The following DOCK9 variants were observed in gnomAD, a reference collection of about 807,000 sequenced individuals.
DOCK9 encodes dedicator of cytokinesis 9.
A neutral mutation model predicts 263.3 loss-of-function variants in DOCK9; 89 were observed. The ratio of observed to expected loss-of-function variants is 0.34; its 90% CI spans 0.28 to 0.40. The LOEUF is 0.40. DOCK9 is among the 10% of genes least tolerant of loss of function. The pLI, the probability that DOCK9 is intolerant of heterozygous loss-of-function variation, is 1.00. For missense variants in DOCK9, 2,140 were observed against 2,603.4 expected, an observed-to-expected ratio of 0.82 and a Z score of 3.87; for synonymous variants, 976 against 973.1, an observed-to-expected ratio of 1.00 and a Z score of -0.06.
At position 98,825,124 on chromosome 13, in the gene DOCK9, A is replaced by G. The variant is rs1391168341; in HGVS notation, c.5024-620T>C. ...GATGCCTGGGCACTCTGATTCTCCA[A>G]GAGGAAATGGTGTTAGCTTAGAGGC... On this transcript the variant is annotated intron_variant, in intron 44 of 52. Coordinates refer to ENST00000682017, the MANE Select transcript of DOCK9 (RefSeq NM_001366683.2). This position sits in a 1 kb window ranked among gnomAD's most constrained non-coding sequence, Gnocchi z 4.1. Among the ~76,000 whole-genome samples, 1 of 152,196 alleles carries G rather than the reference A, an allele frequency of 6.6e-6. No homozygotes were observed. Among genetic ancestry groups the G allele is most frequent in the African/African-American group, 2.4e-5 (1 of 41,440 alleles).
In DOCK9 at chr13:98,832,112, A is replaced by G. The variant is rs1432579676; in HGVS notation, c.4315-326T>C. Reference sequence around the variant, plus strand: ...CTGATACAGAGGTGCCATTTGTGACATCTTAATTCCAACAGAGAAGTGCCA... The same window carrying G: ...CTGATACAGAGGTGCCATTTGTGACGTCTTAATTCCAACAGAGAAGTGCCA... On this transcript the variant is annotated intron_variant, in intron 39 of 52. Coordinates refer to ENST00000682017, the MANE Select transcript of DOCK9 (RefSeq NM_001366683.2). 4 of 245,284 alleles carry G rather than the reference A, an allele frequency of 1.6e-5. No individual in the cohort carries two copies. In the East Asian group the frequency reaches 2.5e-4, roughly 15 times the overall value. The allele number at this position is 245,284 out of a possible 1,614,324, so 15.2% of individuals were successfully genotyped here.
At chr13:99,045,247 G>T (rs1888855295) in intron 1 of DOCK9, among the ~76,000 whole-genome samples, 1 of 152,160 alleles carries the variant, frequency 6.6e-6, no homozygotes, top group African/African-American at 2.4e-5. Flanking sequence ...CTAAGATATG[G>T]AATCAACCTA....
intron 1 of DOCK9, among the ~76,000 whole-genome samples, chr13:99,075,355 C>CTTTTTT (rs142464481): frequency 4.9e-5 from 6 of 121,982 alleles, no homozygotes; most frequent in East Asian, 2.4e-4. Flanking sequence ...AGCTGTAGTA[C>CTTTTTT]TTTTTTTTTT....
At chr13:99,023,184 C>G (rs1431587343) in intron 1 of DOCK9, among the ~76,000 whole-genome samples, 1 of 152,182 alleles carries the variant, frequency 6.6e-6, no homozygotes, top group African/African-American at 2.4e-5. Context: ...CAGCATTATT[C>G]ACAATAGTCA....
chr13:98,881,899 C>T lies in DOCK9; in HGVS notation c.2668G>A (p.Val890Met), dbSNP rs745870034. The change falls in exon 24 of 53, where the codon GTG becomes ATG. Residue 890 changes from valine (V) to methionine (M), a missense_variant. Val to Met is a conservative substitution (Grantham distance 21). Coordinates refer to ENST00000682017, the MANE Select transcript of DOCK9 (RefSeq NM_001366683.2). ...RATQEEVAVN[V>M]TRVIIHVVAQ... ...TCCATCCACCTCCCTTACCGAGTCA[C>T]GTTAACCGCGACTTCTTCCTGTGTG... is the stretch of plus-strand genomic sequence containing the variant. The T allele has an allele frequency of 4.4e-6, 7 of 1,573,742 alleles. No individual in the cohort carries two copies. The highest frequency in any genetic ancestry group is 1.2e-5 in the South Asian group (1 of 85,236).
chr13:98,796,975 C>T, intron 52 of DOCK9, 140 bp downstream of exon 52: 1 of 856,598 alleles, frequency 1.2e-6, no homozygotes, highest in Non-Finnish European at 1.8e-6. Context: ...GGGGCTAGAG[C>T]ATGGCAGGAG....
chr13:99,057,349 G>A (rs1375752954), intron 1 of DOCK9, among the ~76,000 whole-genome samples: 1 of 152,188 alleles, frequency 6.6e-6, no homozygotes, highest in East Asian at 1.9e-4. Flanking sequence ...AAATCTTACA[G>A]CACAAAACAG....
At chr13:99,019,465 T>C (rs1885815729) in intron 1 of DOCK9, among the ~76,000 whole-genome samples, 1 of 152,160 alleles carries the variant, frequency 6.6e-6, no homozygotes, top group Admixed American at 6.5e-5. Context: ...TCTGTCCACA[T>C]CTGGGCAGGC....
intron 1 of DOCK9, among the ~76,000 whole-genome samples, chr13:99,065,612 A>G (rs1274793165): frequency 6.6e-6 from 1 of 152,118 alleles, no homozygotes; most frequent in Non-Finnish European, 1.5e-5. Flanking sequence ...CTGTGCTCCT[A>G]CGGGTCCCTC....
At chr13:98,881,653 C>A in intron 24 of DOCK9, 26 bp from the exon 25 acceptor site, 1 of 1,585,994 alleles carries the variant, frequency 6.3e-7, no homozygotes, top group Admixed American at 1.8e-5. Context: ...GTGAATAAAG[C>A]AAAGAATATG....
At position 98,841,957 on chromosome 13, in the gene DOCK9, A is replaced by ACC. The variant is rs918436775; in HGVS notation, c.4198+3966_4198+3967insGG. Among the ~76,000 whole-genome samples the ACC allele has an allele frequency of 2.6e-5, 4 of 152,180 alleles. No homozygotes were observed. The East Asian group carries it at 7.7e-4, about 29-fold the overall frequency. ...CATGCCTGGCCACAAACATTTATTT[A>ACC]CTATTTTGAGTATATGTTTAAAGCA... On this transcript the variant is annotated intron_variant, in intron 38 of 52. Transcript: ENST00000682017.
chr13:99,080,056 A>T (rs971768687), intron 1 of DOCK9, among the ~76,000 whole-genome samples: 11 of 152,130 alleles, frequency 7.2e-5, no homozygotes, highest in Non-Finnish European at 1.3e-4. Flanking sequence ...ATAAATAAAT[A>T]CATAAATATC....
intron 45 of DOCK9, among the ~76,000 whole-genome samples, chr13:98,823,604 A>T (rs540156668): frequency 6.6e-6 from 1 of 152,354 alleles, no homozygotes; most frequent in South Asian, 2.1e-4. Context: ...GCTTTCCCTC[A>T]GCTGTTTCAT....
At position 98,805,016 on chromosome 13, in the gene DOCK9, C is replaced by T. The variant is rs1339473777; in HGVS notation, c.5708G>A (p.Arg1903Gln). Residue 1903 changes from arginine to glutamine, a missense_variant, in exon 49 of 53, where the codon CGG (arginine) becomes CAG (glutamine). By Grantham distance (43) the Arg-to-Gln change is conservative. Around this residue, in one of 2 missense-constraint regions of DOCK9, gnomAD observed 619 missense variants for 861.8 expected, o/e 0.72. Coordinates refer to ENST00000682017, the MANE Select transcript of DOCK9 (RefSeq NM_001366683.2). ...RQGGVEEQCKRRTILTAIHCF... is the reference protein window; with the variant it reads ...RQGGVEEQCKQRTILTAIHCF... ...GCCCATACCTGTCAGGATGGTGCGC[C>T]GTTTGCACTGCTCTTCCACCCCGCC... is the stretch of plus-strand genomic sequence containing the variant. 2.5e-6 allele frequency: 4 copies of T among 1,606,208 alleles called. No individual in the cohort carries two copies. Among genetic ancestry groups the T allele is most frequent in the Admixed American group, 1.7e-5 (1 of 58,990 alleles).
chr13:98,881,478 G>T, intron 25 of DOCK9, 80 bp downstream of exon 25: 1 of 1,145,260 alleles, frequency 8.7e-7, no homozygotes. Context: ...CAAATAACCA[G>T]GCTTGTGAAA....
chr13:98,941,915 T>C (rs1433277797), intron 2 of DOCK9, among the ~76,000 whole-genome samples: 3 of 152,256 alleles, frequency 2.0e-5, no homozygotes, highest in East Asian at 1.9e-4. Flanking sequence ...AGTTATCTCT[T>C]TGGATTCTCA....
At chr13:98,852,274 T>C (rs1018689191) in intron 35 of DOCK9, among the ~76,000 whole-genome samples, 2 of 152,208 alleles carry the variant, frequency 1.3e-5, no homozygotes, top group Non-Finnish European at 2.9e-5. Flanking sequence ...GTGTATTTGG[T>C]CATCATTCAG....
chr13:98,811,197 T>C (rs1486729089), intron 45 of DOCK9, among the ~76,000 whole-genome samples: 2 of 152,250 alleles, frequency 1.3e-5, no homozygotes, highest in Non-Finnish European at 2.9e-5. Flanking sequence ...TGATCTCTAA[T>C]GTTTAAGCCC....
Position 98,884,905 on chromosome 13 carries a change from T to G in DOCK9, c.2382+66A>C, listed in dbSNP as rs2045435762. Reference sequence around the variant, plus strand: ...CTGTTTGCTTTTTGTGTGTTATTGTTGTTTTAGTTGTTCTTTAATGTTTTC... The same window carrying G: ...CTGTTTGCTTTTTGTGTGTTATTGTGGTTTTAGTTGTTCTTTAATGTTTTC... On this transcript the variant is annotated intron_variant, in intron 21 of 52. Coordinates refer to ENST00000682017, the MANE Select transcript of DOCK9 (RefSeq NM_001366683.2). 4 of 1,515,692 alleles carry G rather than the reference T, an allele frequency of 2.6e-6. No individual in the cohort carries two copies. In the South Asian group the frequency reaches 4.9e-5, roughly 19 times the overall value. The allele number at this position is 1,515,692 out of a possible 1,614,324, so 93.9% of individuals were successfully genotyped here. A position where few individuals can be genotyped will look rare whatever the true frequency, so the allele number is the denominator to read the frequency against.
Sources: allele counts gnomAD v4.1 joint callset (sites outside exome capture counted in the v4.1 genomes callset), GRCh38; gene constraint gnomAD v4.1.1; regional missense constraint gnomAD v4.1.1; non-coding constraint Gnocchi (gnomAD v3.1); transcripts MANE v1.5; gene names NCBI Gene and HGNC (gene_info 2026-07-23, HGNC 2026-07-21).